SATB1: variants seen among roughly 807,000 people sequenced by gnomAD.
SATB1 encodes the protein SATB homeobox 1, also known as DNA-binding protein SATB1.
A neutral mutation model predicts 86.9 loss-of-function variants in SATB1; 11 were observed. The observed-to-expected ratio is 0.13, with a 90% CI of 0.08 to 0.21. SATB1 has a LOEUF of 0.21. SATB1 is among the 10% of genes least tolerant of loss of function. SATB1 has a pLI of 1.00. For missense variants in SATB1, 551 were observed against 937.6 expected (o/e 0.59, Z 5.39); for synonymous variants, 357 against 357.2 (o/e 1.00, Z 0.01).
intron 2 of SATB1, among the ~76,000 whole-genome samples, chr3:18,434,497 T>C (rs1268966383): frequency 6.6e-6 from 1 of 151,996 alleles, no homozygotes; most frequent in Non-Finnish European, 1.5e-5. Context: ...CTACCACAGT[T>C]TTCATCAGAA....
intron 8 of SATB1, among the ~76,000 whole-genome samples, chr3:18,381,646 GCTGGA>G (rs1306288881): frequency 6.6e-6 from 1 of 152,002 alleles, no homozygotes; most frequent in East Asian, 1.9e-4. Flanking sequence ...TTTAGAGCAG[GCTGGA>G]CTTGTTTTTT....
chr3:18,445,408 G>C (rs1405632947), intron 1 of SATB1: 29 of 985,260 alleles, frequency 2.9e-5, no homozygotes, highest in Non-Finnish European at 3.5e-5. Flanking sequence ...GCACACGGGG[G>C]TTGGCGCGGA....
At chr3:18,445,288 AGCCGCCGCCGCC>A in intron 1 of SATB1, 2 of 982,130 alleles carry the variant, frequency 2.0e-6, no homozygotes, top group Non-Finnish European at 2.4e-6. Context: ...GCCGAGCCCG[AGCCGCCGCCGCC>A]GCCGCCGCTG....
chr3:18,351,217 G>A (rs1575074673), intron 10 of SATB1: 4 of 938,802 alleles, frequency 4.3e-6, no homozygotes, highest in South Asian at 4.2e-5. Flanking sequence ...GGTTAGTAGG[G>A]CCTTTACAGG....
intron 2 of SATB1, among the ~76,000 whole-genome samples, chr3:18,433,844 A>G (rs923609004): frequency 1.4e-4 from 22 of 152,124 alleles, no homozygotes; most frequent in Non-Finnish European, 3.1e-4. Context: ...TGGACTATAC[A>G]TGGACATTTT....
At position 18,405,605 on chromosome 3, in the gene SATB1, T is replaced by C. The variant is rs75807531; in HGVS notation, c.640-8315A>G. ...TTTTTAAGCCATACTGCCTAAAAAT[T>C]GGAGGTAAAATACCTCCTGGCTTTT... On this transcript the variant is annotated intron_variant, in intron 5 of 10. Coordinates refer to ENST00000338745, the MANE Select transcript of SATB1 (RefSeq NM_002971.6). Among the ~76,000 whole-genome samples the C allele has an allele frequency of 6.6e-4, 101 of 152,058 alleles. No homozygotes were observed. In the East Asian group the frequency reaches 0.019, roughly 29 times the overall value.
intron 8 of SATB1, among the ~76,000 whole-genome samples, chr3:18,380,803 T>C (rs944245347): frequency 6.6e-6 from 1 of 152,180 alleles, no homozygotes; most frequent in African/African-American, 2.4e-5. Context: ...GCTGAATTTT[T>C]CCCCAGGTAA....
Position 18,414,059 on chromosome 3 carries a change from C to G in SATB1, c.639+1052G>C. Among the ~76,000 whole-genome samples the G allele has an allele frequency of 1.3e-5, 2 of 152,092 alleles. 1 individual carries two copies. Among genetic ancestry groups the G allele is most frequent in the East Asian group, 3.9e-4 (2 of 5,180 alleles). On this transcript the variant is annotated intron_variant, in intron 5 of 10. Coordinates refer to ENST00000338745, the MANE Select transcript of SATB1 (RefSeq NM_002971.6). Reference sequence around the variant, plus strand: ...AGCAGAAATACACTTTGAGATCTCTCCACTGCAGAAATGTTTACAGCAGCA... The same window carrying G: ...AGCAGAAATACACTTTGAGATCTCTGCACTGCAGAAATGTTTACAGCAGCA...
intron 4 of SATB1, 79 bp downstream of exon 4, chr3:18,415,928 G>A: frequency 7.3e-7 from 1 of 1,366,526 alleles, no homozygotes; most frequent in Non-Finnish European, 9.9e-7. Flanking sequence ...AAAATTGAAG[G>A]TCGACCAGAG....
intron 9 of SATB1, among the ~76,000 whole-genome samples, chr3:18,363,405 G>C (rs1294110827): frequency 6.6e-6 from 1 of 152,144 alleles, no homozygotes; most frequent in Non-Finnish European, 1.5e-5. Flanking sequence ...ATTTCTAGAA[G>C]CATCATGTGG....
intron 2 of SATB1, among the ~76,000 whole-genome samples, chr3:18,432,836 C>T (rs981404755): frequency 2.0e-5 from 3 of 151,666 alleles, no homozygotes; most frequent in South Asian, 2.1e-4. Context: ...AACAATCTTT[C>T]ATGTATGCCT....
chr3:18,369,939 G>A (rs890104486), intron 9 of SATB1, among the ~76,000 whole-genome samples: 15 of 152,328 alleles, frequency 9.8e-5, no homozygotes, highest in Middle Eastern at 3.4e-3. Context: ...GACCTTGTGC[G>A]TGCCTGCGTG....
chr3:18,415,305 C>A, intron 4 of SATB1, 71 bp from the exon 5 acceptor site: 1 of 1,568,108 alleles, frequency 6.4e-7, no homozygotes. Context: ...TCCTTTAAGA[C>A]AGACAGATTT....
rs1559433405 is a variant in SATB1 at position 18,397,210 on chromosome 3, G to A, written c.720C>T (p.Tyr240=). The part of the protein sequence containing the change: ...AAKCQEFGRW[Y]KHFKKTKDMM... ...TATCTTTTGTCTTCTTGAAATGTTTGTACCACCTTCCAAATTCTTGACATT... is the reference window on the plus strand; with the variant it reads ...TATCTTTTGTCTTCTTGAAATGTTTATACCACCTTCCAAATTCTTGACATT... Residue 240 remains tyrosine, a synonymous_variant, in exon 6 of 11, where the codon TAC becomes TAT. Coordinates refer to ENST00000338745, the MANE Select transcript of SATB1 (RefSeq NM_002971.6). 1 of 1,609,558 alleles carries A rather than the reference G, an allele frequency of 6.2e-7. No individual in the cohort carries two copies. Among genetic ancestry groups the A allele is most frequent in the Admixed American group, 1.7e-5 (1 of 60,000 alleles).
chr3:18,425,791 C>A (rs1184901062), upstream of SATB1, among the ~76,000 whole-genome samples: 1 of 133,722 alleles, frequency 7.5e-6, no homozygotes, highest in East Asian at 2.7e-4. Context: ...GGCGCGCGGG[C>A]GGCAGGGGCA....
intron 2 of SATB1, among the ~76,000 whole-genome samples, chr3:18,436,274 G>T (rs959347117): frequency 6.6e-6 from 1 of 152,098 alleles, no homozygotes; most frequent in Non-Finnish European, 1.5e-5. Flanking sequence ...AGGAAAGAAC[G>T]CATAGAAGGT....
chr3:18,376,052 T>A (rs187338413), intron 9 of SATB1, among the ~76,000 whole-genome samples: 123 of 152,208 alleles, frequency 8.1e-4, no homozygotes, highest in African/African-American at 2.8e-3. Context: ...TAGAGACCCA[T>A]GAGGAGCTGT....
chr3:18,390,287 A>G (rs184837766), intron 7 of SATB1, among the ~76,000 whole-genome samples: 43 of 152,230 alleles, frequency 2.8e-4, no homozygotes, highest in Admixed American at 2.2e-3. Flanking sequence ...CAGGAAGAAA[A>G]TATGATTTGA....
chr3:18,420,805 C>T lies in SATB1; in HGVS notation c.163G>A (p.Val55Met). The T allele has an allele frequency of 6.2e-7, 1 of 1,614,144 alleles. No individual in the cohort carries two copies. Among genetic ancestry groups the T allele is most frequent in the Non-Finnish European group, 8.5e-7 (1 of 1,180,034 alleles). Residue 55 changes from valine (V) to methionine (M), a missense_variant, in exon 2 of 11, where the codon GTG (valine) becomes ATG (methionine). Val to Met is a conservative substitution (Grantham distance 21). Coordinates refer to ENST00000338745, the MANE Select transcript of SATB1 (RefSeq NM_002971.6). ...AGATGGCCCGAGTGTTTTAAAGGCA[C>T]TCCCTGCATTTTTGCACCTGTACTC... The part of the protein sequence containing the change: ...LGSTGAKMQG[V>M]PLKHSGHLMK...
Sources: gnomAD v4.1 joint callset for allele counts (sites outside exome capture counted in the v4.1 genomes callset) on GRCh38, gnomAD v4.1.1 for gene constraint, MANE v1.5 for transcripts, NCBI Gene and HGNC (gene_info 2026-07-23, HGNC 2026-07-21) for gene names.